Variants in GUCY1A2 observed in about 807,000 individuals in gnomAD.
GUCY1A2 encodes guanylate cyclase soluble subunit alpha-2.
A neutral mutation model predicts 63.5 loss-of-function variants in GUCY1A2; 27 were observed. That is an observed-to-expected ratio of 0.43 (90% CI 0.31 to 0.59). The LOEUF is 0.59. Ranked by LOEUF, GUCY1A2 falls within the 20% of genes least tolerant of loss-of-function variation. GUCY1A2 has a pLI of 0.11. For synonymous variants in GUCY1A2, 364 were observed against 343.5 expected (o/e 1.06, Z -0.66); for missense variants, 768 against 913.3 (o/e 0.84, Z 2.05).
chr11:106,818,073 C>T (rs527558851), intron 4 of GUCY1A2, among the ~76,000 whole-genome samples: 5 of 152,194 alleles, frequency 3.3e-5, no homozygotes, highest in Admixed American at 1.3e-4. Flanking sequence ...AGCCAAAATA[C>T]GGAATAAACC....
At chr11:106,889,002 A>G (rs930035870) in intron 4 of GUCY1A2, among the ~76,000 whole-genome samples, 3 of 148,868 alleles carry the variant, frequency 2.0e-5, no homozygotes, top group Non-Finnish European at 3.0e-5. Flanking sequence ...CTCTATTTAG[A>G]AAAAAAAAAC....
Position 106,737,810 on chromosome 11 carries a change from T to G in GUCY1A2, c.1837-29144A>C, listed in dbSNP as rs578136388. Among the ~76,000 whole-genome samples, 3 of 152,330 alleles carry G rather than the reference T, an allele frequency of 2.0e-5. No individual in the cohort carries two copies. In the South Asian group the frequency reaches 6.2e-4, roughly 32 times the overall value. ...ATCCAGTCTATGATTGATGGGCATT[T>G]GGGTTGGTTCCAAGACTTTGCTATT... On this transcript the variant is annotated intron_variant, in intron 6 of 7. Transcript: ENST00000526355.
At chr11:106,890,839 G>A (rs1356840448) in intron 4 of GUCY1A2, among the ~76,000 whole-genome samples, 7 of 152,196 alleles carry the variant, frequency 4.6e-5, no homozygotes, top group South Asian at 4.1e-4. Context: ...TTGCAATGAT[G>A]ACAAAATATA....
chr11:106,841,178 G>A (rs1349517715), intron 4 of GUCY1A2, among the ~76,000 whole-genome samples: 3 of 151,650 alleles, frequency 2.0e-5, no homozygotes, highest in Admixed American at 6.6e-5. Context: ...CTACTAGTAC[G>A]CCCCTGCAAA....
At chr11:106,952,777 C>G (rs544910826) in intron 3 of GUCY1A2, among the ~76,000 whole-genome samples, 8 of 151,914 alleles carry the variant, frequency 5.3e-5, no homozygotes, top group African/African-American at 1.9e-4. Context: ...ATATCTGGGA[C>G]TACAGGTGTG....
chr11:106,947,849 C>T (rs981203201), intron 3 of GUCY1A2, among the ~76,000 whole-genome samples: 2 of 151,402 alleles, frequency 1.3e-5, no homozygotes, highest in African/African-American at 4.8e-5. Context: ...TTTTCAGCAA[C>T]AAAAATAAAT....
At chr11:106,787,188 G>A (rs1215055446) in intron 5 of GUCY1A2, among the ~76,000 whole-genome samples, 1 of 151,480 alleles carries the variant, frequency 6.6e-6, no homozygotes, top group Non-Finnish European at 1.5e-5. Context: ...ATTTTTAAAT[G>A]TACAATTAAA....
chr11:106,709,251 T>A (rs1264651130), intron 6 of GUCY1A2, among the ~76,000 whole-genome samples: 1 of 74,640 alleles, frequency 1.3e-5, no homozygotes, highest in Non-Finnish European at 2.3e-5. Flanking sequence ...ATATTGTATA[T>A]AATATATATA....
At chr11:106,801,409 A>G (rs1591283175) in intron 5 of GUCY1A2, among the ~76,000 whole-genome samples, 1 of 152,228 alleles carries the variant, frequency 6.6e-6, no homozygotes, top group East Asian at 1.9e-4. Flanking sequence ...ATAAATGAAT[A>G]TCTCATTTTA....
At chr11:106,936,951 CA>C (rs1270161410) in intron 4 of GUCY1A2, among the ~76,000 whole-genome samples, 1 of 152,074 alleles carries the variant, frequency 6.6e-6, no homozygotes, top group Non-Finnish European at 1.5e-5. Context: ...AATTTATCAA[CA>C]AAAACACAAT....
chr11:106,763,671 A>G (rs1864108433), intron 6 of GUCY1A2, among the ~76,000 whole-genome samples: 1 of 152,234 alleles, frequency 6.6e-6, no homozygotes, highest in South Asian at 2.1e-4. Flanking sequence ...GGTATTGTGT[A>G]TACAGAATTT....
At chr11:106,747,415 A>T (rs538588476) in intron 6 of GUCY1A2, among the ~76,000 whole-genome samples, 3 of 152,254 alleles carry the variant, frequency 2.0e-5, no homozygotes, top group Non-Finnish European at 4.4e-5. Context: ...TTGTCATTTC[A>T]CAAGACACCA....
chr11:106,895,400 C>G (rs1311510083), intron 4 of GUCY1A2, among the ~76,000 whole-genome samples: 1 of 152,126 alleles, frequency 6.6e-6, no homozygotes, highest in Non-Finnish European at 1.5e-5. Context: ...TGTGTCCCCA[C>G]CAAATCTTAT....
At chr11:106,733,354 A>G (rs1187666700) in intron 6 of GUCY1A2, among the ~76,000 whole-genome samples, 1 of 152,134 alleles carries the variant, frequency 6.6e-6, no homozygotes, top group African/African-American at 2.4e-5. Context: ...CGAATATGCT[A>G]ACAATGTTTA....
At chr11:106,704,172 T>G (rs1353515529) in intron 7 of GUCY1A2, among the ~76,000 whole-genome samples, 6 of 152,156 alleles carry the variant, frequency 3.9e-5, no homozygotes, top group Non-Finnish European at 5.9e-5. Context: ...CTAGCACACA[T>G]CATTCATCAT....
intron 6 of GUCY1A2, among the ~76,000 whole-genome samples, chr11:106,766,786 T>C (rs560286420): frequency 5.9e-5 from 9 of 152,112 alleles, no homozygotes; most frequent in African/African-American, 2.2e-4. Flanking sequence ...CCTATATGCA[T>C]ATAGGCTTAA....
rs1467159070 is a variant in GUCY1A2, at chr11:106,816,080, T to C, written c.1207-5602A>G. 1.4e-5 allele frequency among the ~76,000 whole-genome samples: 2 copies of C among 146,428 alleles called. 1 individual carries two copies. Among genetic ancestry groups the C allele is most frequent in the South Asian group, 4.3e-4 (2 of 4,642 alleles). On this transcript the variant is annotated intron_variant, in intron 4 of 7. Coordinates refer to ENST00000526355, the MANE Select transcript of GUCY1A2 (RefSeq NM_000855.3). ...GAAAACTGATACCTTAACAACAAAA[T>C]CTACAAAAACAACAAAATCTACAAA...
intron 3 of GUCY1A2, 93 bp downstream of exon 3, chr11:106,978,526 C>G: frequency 1.3e-6 from 1 of 794,668 alleles, no homozygotes; most frequent in Non-Finnish European, 1.9e-6. Context: ...ATATTCTCCA[C>G]ATCTCTCTTT....
intron 5 of GUCY1A2, among the ~76,000 whole-genome samples, chr11:106,792,385 CAAA>C (rs60149576): frequency 2.1e-4 from 18 of 84,778 alleles, no homozygotes; most frequent in East Asian, 7.2e-4. Flanking sequence ...GACTCCATCT[CAAA>C]AAAAAAAAAA....
Sources: allele counts gnomAD v4.1 joint callset (sites outside exome capture counted in the v4.1 genomes callset), GRCh38; gene constraint gnomAD v4.1.1; transcripts MANE v1.5; gene names NCBI Gene and HGNC (gene_info 2026-07-23, HGNC 2026-07-21).